Variants in LMO3 observed in about 807,000 individuals in gnomAD.
The protein encoded by LMO3 is LIM domain only 3.
LMO3 carries 2 observed loss-of-function variants against 15.8 expected under a neutral mutation model. That is an observed-to-expected ratio of 0.13 (90% CI 0.05 to 0.40). The LOEUF (loss-of-function observed/expected upper bound fraction) is 0.40. Among genes scored for constraint, LMO3 ranks in the 10% least tolerant of loss-of-function variants. The probability of loss-of-function intolerance (pLI) is 0.99; values close to 1 mark genes in which losing one functional copy is unlikely to be tolerated. For missense variants in LMO3, 86 were observed against 182.2 expected, an observed-to-expected ratio of 0.47 and a Z score of 3.04; for synonymous variants, 62 against 63.8, an observed-to-expected ratio of 0.97 and a Z score of 0.13.
At chr12:16,567,561 T>A (rs1024836567) in intron 2 of LMO3, 1 of 151,858 alleles carries the variant, frequency 6.6e-6, no homozygotes, top group Non-Finnish European at 1.5e-5. Flanking sequence ...TGAAAGAAGG[T>A]CATCGTGGGA....
In LMO3 at chr12:16,555,117, C is replaced by G. The variant is rs1942146233; in HGVS notation, c.333-3790G>C. Among the ~76,000 whole-genome samples, 1 of 152,204 alleles carries G rather than the reference C, an allele frequency of 6.6e-6. No homozygotes were observed. The highest frequency in any genetic ancestry group is 1.5e-5 in the Non-Finnish European group (1 of 68,044). On this transcript the variant is annotated intron_variant, in intron 3 of 3. Transcript: ENST00000537304. This position sits in a 1 kb window ranked among gnomAD's most constrained non-coding sequence, Gnocchi z 5.5. Reference sequence around the variant, plus strand: ...ATTAAACGAATGAGTACATGTAAAACACTCAGAACGGTGTTTGGTGTTTGA... The same window carrying G: ...ATTAAACGAATGAGTACATGTAAAAGACTCAGAACGGTGTTTGGTGTTTGA...
In LMO3 at chr12:16,604,773, G is replaced by A. The variant is rs1943933021; in HGVS notation, c.-9+1293C>T. ...AATAATATTTCGGTTCTTTCAGAAA[G>A]ACACAAAAGCAGCGGAAAAGCAGAA... is the stretch of plus-strand genomic sequence containing the variant. On this transcript the variant is annotated intron_variant, in intron 1 of 3. Transcript: ENST00000537304. This position sits in a 1 kb window ranked among gnomAD's most constrained non-coding sequence, Gnocchi z 5.3. The A allele has an allele frequency of 2.2e-6, 3 of 1,375,342 alleles. No individual in the cohort carries two copies. The highest frequency in any genetic ancestry group is 3.1e-6 in the Non-Finnish European group (3 of 981,714). 85.2% of individuals were successfully genotyped at this position (1,375,342 alleles called of 1,614,324 possible).
rs1943919004 is a variant in LMO3, at chr12:16,604,296, ACTG to A, written c.-9+1767_-9+1769del. Among the ~76,000 whole-genome samples the A allele has an allele frequency of 6.6e-6, 1 of 152,124 alleles. No homozygotes were observed. Among genetic ancestry groups the A allele is most frequent in the African/African-American group, 2.4e-5 (1 of 41,434 alleles). On this transcript the variant is annotated intron_variant, in intron 1 of 3. Coordinates refer to ENST00000537304, the MANE Select transcript of LMO3 (RefSeq NM_018640.5). This position sits in a 1 kb window ranked among gnomAD's most constrained non-coding sequence, Gnocchi z 5.3. ...AAATAGATGTCCCCAGATCTCAGGC[ACTG>A]GAGCTGCTTAACTCTGTTCTGCCCC...
In LMO3 at chr12:16,576,080, G is replaced by A. The variant is rs888126946; in HGVS notation, c.207-15542C>T. Among the ~76,000 whole-genome samples, 1 of 152,128 alleles carries A rather than the reference G, an allele frequency of 6.6e-6. No individual in the cohort carries two copies. The highest frequency in any genetic ancestry group is 6.5e-5 in the Admixed American group (1 of 15,280). On this transcript the variant is annotated intron_variant, in intron 2 of 3. Coordinates refer to ENST00000537304, the MANE Select transcript of LMO3 (RefSeq NM_018640.5). The surrounding 1 kb of genome is among the most constrained non-coding windows in gnomAD (Gnocchi z 4.1). ...TGTCTCAGTAAGCTACTTCTAGCGC[G>A]CATCGCTTCTCCCTTGCACTCATAC...
In LMO3 at chr12:16,559,304, T is replaced by C. The variant is rs1942303699; in HGVS notation, c.332+1109A>G. Among the ~76,000 whole-genome samples, 1 of 152,196 alleles carries C rather than the reference T, an allele frequency of 6.6e-6. No homozygotes were observed. On this transcript the variant is annotated intron_variant, in intron 3 of 3. Transcript: ENST00000537304. The surrounding 1 kb of genome is among the most constrained non-coding windows in gnomAD (Gnocchi z 4.1). ...ATATAAAACAGGTGCCAGTAGTATA[T>C]AGTTTTCACAGAAATAAAAAATATA... is the stretch of plus-strand genomic sequence containing the variant.
In LMO3 at chr12:16,563,307, T is replaced by C. The variant is rs187241854; in HGVS notation, c.207-2769A>G. ...TCATTCTATAGCTACATTCGAGTTCTCTTTTTTCTCAGTGGGACAAACCCA... is the reference window on the plus strand; with the variant it reads ...TCATTCTATAGCTACATTCGAGTTCCCTTTTTTCTCAGTGGGACAAACCCA... On this transcript the variant is annotated intron_variant, in intron 2 of 3. Transcript: ENST00000537304. Among the ~76,000 whole-genome samples, 140 of 152,330 alleles carry C rather than the reference T, an allele frequency of 9.2e-4. 1 individual carries two copies. The highest frequency in any genetic ancestry group is 3.0e-3 in the Admixed American group (46 of 15,296).
At chr12:16,575,861 C>G (rs767682091) in intron 2 of LMO3, among the ~76,000 whole-genome samples, 6 of 152,138 alleles carry the variant, frequency 3.9e-5, no homozygotes, top group Non-Finnish European at 7.3e-5. Flanking sequence ...CTAGTTCTCC[C>G]TACGTGACAT....
intron 3 of LMO3, among the ~76,000 whole-genome samples, chr12:16,553,802 T>C (rs547949277): frequency 8.2e-4 from 125 of 152,164 alleles, no homozygotes; most frequent in African/African-American, 2.7e-3. Context: ...GTAACTGTGA[T>C]TTTGTAAGAA....
At chr12:16,606,527 T>A (rs1471976391), upstream of LMO3, 2 of 151,656 alleles carry the variant, frequency 1.3e-5, no homozygotes, top group African/African-American at 4.9e-5. Flanking sequence ...ACTATTTACC[T>A]CTCGCCCCCA....
Position 16,592,000 on chromosome 12 carries a change from GT to G in LMO3, c.206+8654del, listed in dbSNP as rs1452084660. ...GTTATTTGACAATAATAGTGACTAT[GT>G]TTATCAGGTGTAGAAAATTTGAAAA... On this transcript the variant is annotated intron_variant, in intron 2 of 3. Transcript: ENST00000537304. This position sits in a 1 kb window ranked among gnomAD's most constrained non-coding sequence, Gnocchi z 4.1. Among the ~76,000 whole-genome samples the G allele has an allele frequency of 6.6e-6, 1 of 151,998 alleles. No individual in the cohort carries two copies. Among genetic ancestry groups the G allele is most frequent in the Admixed American group, 6.6e-5 (1 of 15,246 alleles).
intron 2 of LMO3, among the ~76,000 whole-genome samples, chr12:16,561,954 T>G (rs1942421715): frequency 6.6e-6 from 1 of 152,242 alleles, no homozygotes; most frequent in Non-Finnish European, 1.5e-5. Context: ...AATTCATAAT[T>G]GTTAGACACT....
intron 2 of LMO3, among the ~76,000 whole-genome samples, chr12:16,583,842 G>A (rs1428306438): frequency 2.0e-5 from 3 of 152,244 alleles, no homozygotes; most frequent in Non-Finnish European, 4.4e-5. Flanking sequence ...TGACAGTTGG[G>A]TTCATAGTGG....
chr12:16,590,338 T>C (rs1943451981), intron 2 of LMO3, among the ~76,000 whole-genome samples: 1 of 152,196 alleles, frequency 6.6e-6, no homozygotes, highest in African/African-American at 2.4e-5. Context: ...AAGAATGTAA[T>C]TCACGAAATT....
intron 2 of LMO3, among the ~76,000 whole-genome samples, chr12:16,571,536 A>G (rs1227926325): frequency 6.6e-6 from 1 of 152,048 alleles, no homozygotes; most frequent in Non-Finnish European, 1.5e-5. Context: ...TTCTAGGACA[A>G]TCCTGGATAT....
rs1391754693 is a variant in LMO3, at chr12:16,593,286, G to A, written c.206+7369C>T. On this transcript the variant is annotated intron_variant, in intron 2 of 3. Transcript: ENST00000537304. The surrounding 1 kb of genome is among the most constrained non-coding windows in gnomAD (Gnocchi z 4.2). The stretch of plus-strand genomic sequence containing the variant: ...TTCCTAAGAGTCTTTTATTTTCCCA[G>A]TAGCCCAGTTGGAGAGTTTTAATAT... 6.6e-6 allele frequency among the ~76,000 whole-genome samples: 1 copy of A among 151,672 alleles called. No homozygotes were observed. The highest frequency in any genetic ancestry group is 2.4e-5 in the African/African-American group (1 of 41,340).
chr12:16,556,002 T>G (rs1044677296), intron 3 of LMO3, among the ~76,000 whole-genome samples: 1 of 152,162 alleles, frequency 6.6e-6, no homozygotes, highest in East Asian at 1.9e-4. Flanking sequence ...CTTCTGTGAG[T>G]CTTTGATGTC....
intron 2 of LMO3, among the ~76,000 whole-genome samples, chr12:16,583,316 T>A (rs551677184): frequency 1.8e-3 from 272 of 152,032 alleles, no homozygotes; most frequent in African/African-American, 6.1e-3. Context: ...TTCTTTTTTT[T>A]TAAAAAAATT....
At chr12:16,580,586 A>T (rs1943129818) in intron 2 of LMO3, among the ~76,000 whole-genome samples, 1 of 152,226 alleles carries the variant, frequency 6.6e-6, no homozygotes. Flanking sequence ...TAGATTATAT[A>T]AAATTTCACT....
At chr12:16,568,935 G>A (rs1182694156) in intron 2 of LMO3, among the ~76,000 whole-genome samples, 1 of 152,018 alleles carries the variant, frequency 6.6e-6, no homozygotes, top group African/African-American at 2.4e-5. Context: ...AAAAATACAG[G>A]CCAGAGACAT....
Sources: allele counts gnomAD v4.1 joint callset (sites outside exome capture counted in the v4.1 genomes callset), GRCh38; gene constraint gnomAD v4.1.1; non-coding constraint Gnocchi (gnomAD v3.1); transcripts MANE v1.5; gene names NCBI Gene and HGNC (gene_info 2026-07-23, HGNC 2026-07-21).